PAK5: variants seen among roughly 807,000 people sequenced by gnomAD.
The protein encoded by PAK5 is serine/threonine-protein kinase PAK 5.
A neutral mutation model predicts 65.9 loss-of-function variants in PAK5; 16 were observed. That is an observed-to-expected ratio of 0.24 (90% CI 0.16 to 0.37). The LOEUF (loss-of-function observed/expected upper bound fraction) is 0.37. Among genes scored for constraint, PAK5 ranks in the 10% least tolerant of loss-of-function variants. The pLI is 1.00. For synonymous variants in PAK5, 371 were observed against 354.9 expected (o/e 1.05, Z -0.51); for missense variants, 785 against 903.9 (o/e 0.87, Z 1.69).
At chr20:9,712,337 A>T (rs1434787202) in intron 1 of PAK5, among the ~76,000 whole-genome samples, 1 of 152,202 alleles carries the variant, frequency 6.6e-6, no homozygotes, top group Non-Finnish European at 1.5e-5. Flanking sequence ...AAATGATTAA[A>T]TAATAAATAT....
intron 2 of PAK5, among the ~76,000 whole-genome samples, chr20:9,693,553 A>C (rs2047827031): frequency 6.6e-6 from 1 of 152,084 alleles, no homozygotes. Context: ...AATTACAGAC[A>C]TTTCTAACTC....
At chr20:9,776,272 T>C (rs1431419105) in intron 1 of PAK5, among the ~76,000 whole-genome samples, 2 of 152,190 alleles carry the variant, frequency 1.3e-5, no homozygotes, top group African/African-American at 4.8e-5. Context: ...GATAACTCCA[T>C]AGTCTATATC....
At position 9,662,508 on chromosome 20, in the gene PAK5, G is replaced by C. The variant is rs373765446; in HGVS notation, c.-11-18169C>G. 1.1e-4 allele frequency among the ~76,000 whole-genome samples: 16 copies of C among 152,222 alleles called. No individual in the cohort carries two copies. The East Asian group carries it at 3.1e-3, about 29-fold the overall frequency. On this transcript the variant is annotated intron_variant, in intron 2 of 9. Transcript: ENST00000353224. Reference sequence around the variant, plus strand: ...TGTGACTTATCCTGGCCAATAGCATGTGCACAGAAGTGAAATAATTCACTT... The same window carrying C: ...TGTGACTTATCCTGGCCAATAGCATCTGCACAGAAGTGAAATAATTCACTT...
intron 1 of PAK5, among the ~76,000 whole-genome samples, chr20:9,718,521 AGACCTTGTCCTCAT>A (rs1600283286): frequency 1.3e-5 from 2 of 151,906 alleles, no homozygotes; most frequent in Admixed American, 6.6e-5. Flanking sequence ...AATGGGCTCA[AGACCTTGTCCTCAT>A]TAATATTGAG....
intron 1 of PAK5, among the ~76,000 whole-genome samples, chr20:9,771,575 T>C (rs971747278): frequency 6.4e-5 from 7 of 109,898 alleles, no homozygotes; most frequent in Non-Finnish European, 1.3e-4. Flanking sequence ...ATTCAGTCAA[T>C]TTTTTAATTT....
chr20:9,760,261 T>C (rs1189960154), intron 1 of PAK5, among the ~76,000 whole-genome samples: 1 of 152,144 alleles, frequency 6.6e-6, no homozygotes, highest in Non-Finnish European at 1.5e-5. Context: ...TTTAGGACAA[T>C]GACAAAATAG....
At chr20:9,581,358 A>C (rs1603229265) in intron 3 of PAK5, among the ~76,000 whole-genome samples, 1 of 152,294 alleles carries the variant, frequency 6.6e-6, no homozygotes, top group Admixed American at 6.5e-5. Context: ...ACTGTTTTAC[A>C]TTCATTATTC....
At chr20:9,649,352 T>C (rs1476361675) in intron 2 of PAK5, among the ~76,000 whole-genome samples, 1 of 152,234 alleles carries the variant, frequency 6.6e-6, no homozygotes, top group Non-Finnish European at 1.5e-5. Context: ...TCCTTGTTTC[T>C]GAAAGTTTAC....
At chr20:9,689,670 T>G (rs936147135) in intron 2 of PAK5, among the ~76,000 whole-genome samples, 1 of 152,250 alleles carries the variant, frequency 6.6e-6, no homozygotes, top group Admixed American at 6.5e-5. Context: ...ATAAATAGAT[T>G]ATTCAGATTC....
intron 4 of PAK5, among the ~76,000 whole-genome samples, chr20:9,574,338 G>T (rs1465438535): frequency 6.6e-6 from 1 of 152,112 alleles, no homozygotes; most frequent in East Asian, 1.9e-4. Flanking sequence ...GGTATTCCAG[G>T]CTCTTCCTCC....
At chr20:9,676,761 T>C (rs1368627913) in intron 2 of PAK5, among the ~76,000 whole-genome samples, 2 of 152,202 alleles carry the variant, frequency 1.3e-5, no homozygotes, top group African/African-American at 2.4e-5. Flanking sequence ...GAAATCATCT[T>C]GATTGGTGAT....
At chr20:9,565,762 C>T in intron 5 of PAK5, 131 bp downstream of exon 5, 1 of 904,976 alleles carries the variant, frequency 1.1e-6, no homozygotes, top group Non-Finnish European at 1.7e-6. Flanking sequence ...GGAAATATTA[C>T]AGGGGACGCT....
intron 1 of PAK5, among the ~76,000 whole-genome samples, chr20:9,817,890 C>A (rs2049376595): frequency 6.6e-6 from 1 of 152,174 alleles, no homozygotes; most frequent in Admixed American, 6.5e-5. Flanking sequence ...CAGGCATGGC[C>A]AATCTCTGGC....
intron 3 of PAK5, among the ~76,000 whole-genome samples, chr20:9,614,522 A>G (rs180795229): frequency 6.6e-6 from 1 of 152,348 alleles, no homozygotes; most frequent in African/African-American, 2.4e-5. Context: ...AAGCCTAGCC[A>G]CATTGTTTTC....
intron 2 of PAK5, among the ~76,000 whole-genome samples, chr20:9,690,746 CTTTCTTTTTTTT>C (rs1016595590): frequency 1.5e-4 from 18 of 117,938 alleles, no homozygotes; most frequent in Non-Finnish European, 2.4e-4. Flanking sequence ...TTCTTTCTTT[CTTTCTTTTTTTT>C]TTTTTTTTTT....
intron 1 of PAK5, among the ~76,000 whole-genome samples, chr20:9,825,600 C>A (rs2049474909): frequency 6.6e-6 from 1 of 152,024 alleles, no homozygotes; most frequent in South Asian, 2.1e-4. Context: ...TAAAACACAA[C>A]AGAAATTTTA....
chr20:9,746,579 C>A (rs2048510583), intron 1 of PAK5, among the ~76,000 whole-genome samples: 1 of 152,104 alleles, frequency 6.6e-6, no homozygotes, highest in African/African-American at 2.4e-5. Flanking sequence ...TTCTGCAATG[C>A]TGGAAATGTT....
intron 1 of PAK5, among the ~76,000 whole-genome samples, chr20:9,770,115 A>G (rs1835543301): frequency 6.6e-6 from 1 of 152,102 alleles, no homozygotes; most frequent in African/African-American, 2.4e-5. Flanking sequence ...AATGCAGGAG[A>G]GGGGGAAGAG....
intron 1 of PAK5, among the ~76,000 whole-genome samples, chr20:9,833,866 T>C (rs1055670813): frequency 2.6e-5 from 4 of 152,226 alleles, no homozygotes; most frequent in Non-Finnish European, 4.4e-5. Context: ...ATATTTCTTA[T>C]TATTCACGAG....
Sources: gnomAD v4.1 joint callset for allele counts (sites outside exome capture counted in the v4.1 genomes callset) on GRCh38, gnomAD v4.1.1 for gene constraint, MANE v1.5 for transcripts, NCBI Gene and HGNC (gene_info 2026-07-23, HGNC 2026-07-21) for gene names.